Variants in CDK14 observed in about 807,000 individuals in gnomAD.
The protein encoded by CDK14 is cyclin-dependent kinase 14.
CDK14 carries 34 observed loss-of-function variants against 60.7 expected under a neutral mutation model. The ratio of observed to expected loss-of-function variants is 0.56; its 90% CI spans 0.43 to 0.75. CDK14 has a LOEUF of 0.75. Among genes scored for constraint, CDK14 ranks in the 30% least tolerant of loss-of-function variants. The pLI, the probability that CDK14 is intolerant of heterozygous loss-of-function variation, is 0.00. For missense variants in CDK14, 482 were observed against 564.1 expected (o/e 0.85, Z 1.47); for synonymous variants, 197 against 203.7 (o/e 0.97, Z 0.28).
At chr7:90,956,828 T>C (rs1391843297) in intron 9 of CDK14, among the ~76,000 whole-genome samples, 2 of 144,462 alleles carry the variant, frequency 1.4e-5, no homozygotes, top group Non-Finnish European at 3.0e-5. Flanking sequence ...TGTGTTCTCA[T>C]TGTTCAATTC....
intron 1 of CDK14, among the ~76,000 whole-genome samples, chr7:90,597,590 G>C (rs1419666109): frequency 6.6e-6 from 1 of 152,154 alleles, no homozygotes; most frequent in Non-Finnish European, 1.5e-5. Context: ...GCAAGAGAAT[G>C]CTATAGACAC....
chr7:90,820,046 A>G (rs2117073842), intron 5 of CDK14, among the ~76,000 whole-genome samples: 1 of 151,602 alleles, frequency 6.6e-6, no homozygotes, highest in African/African-American at 2.4e-5. Context: ...TTGCGCCCCC[A>G]ACCCCACTTT....
intron 10 of CDK14, among the ~76,000 whole-genome samples, chr7:91,004,945 C>T (rs994308592): frequency 6.6e-6 from 1 of 151,960 alleles, no homozygotes; most frequent in Non-Finnish European, 1.5e-5. Flanking sequence ...GGGAGAGAAC[C>T]CAAGAAAGAA....
intron 2 of CDK14, among the ~76,000 whole-genome samples, chr7:90,657,243 A>G (rs1800770709): frequency 6.6e-6 from 1 of 152,202 alleles, no homozygotes; most frequent in African/African-American, 2.4e-5. Flanking sequence ...TGAATAGCCC[A>G]AATCATTCAC....
At chr7:90,778,879 CCTTCCTTCCTTCCTTCCTT>C (rs1470947392) in intron 4 of CDK14, among the ~76,000 whole-genome samples, 11 of 111,894 alleles carry the variant, frequency 9.8e-5, no homozygotes, top group East Asian at 1.3e-3. Context: ...TTCCTTCCTT[CCTTCCTTCCTTCCTTCCTT>C]CTTTTCTCTC....
At chr7:90,876,786 T>C (rs1032244424) in intron 6 of CDK14, among the ~76,000 whole-genome samples, 5 of 152,250 alleles carry the variant, frequency 3.3e-5, no homozygotes, top group African/African-American at 1.2e-4. Flanking sequence ...TGTTAAAGCG[T>C]GCCATTATGT....
rs79565641 is a variant in CDK14 at position 91,172,294 on chromosome 7, G to A, written c.*29-34871G>A. On this transcript the variant is annotated intron_variant, in intron 14 of 14. Coordinates refer to ENST00000380050, the MANE Select transcript of CDK14 (RefSeq NM_001287135.2). The stretch of plus-strand genomic sequence containing the variant: ...AGCTCAGTATCTTCCATGACTTGCC[G>A]CATCTTTTAACCAGACATTAAGTGA... Among the ~76,000 whole-genome samples the A allele has an allele frequency of 4.3e-3, 655 of 152,170 alleles. 5 individuals are homozygous for A. The highest frequency in any genetic ancestry group is 0.015 in the African/African-American group (612 of 41,518).
intron 6 of CDK14, among the ~76,000 whole-genome samples, chr7:90,880,623 C>T (rs540876907): frequency 6.6e-6 from 1 of 152,150 alleles, no homozygotes; most frequent in African/African-American, 2.4e-5. Context: ...TGCCACCCAA[C>T]TGGATGAGAC....
rs764923502 is a variant in CDK14 at position 90,966,552 on chromosome 7, C to T, written c.947+10735C>T. On this transcript the variant is annotated intron_variant, in intron 9 of 14. Transcript: ENST00000380050. ...GCTGATGGTCACATAGATCAGTAAA[C>T]ATGTTTTTCACACTTGATTTCCCTT... Among the ~76,000 whole-genome samples, 6 of 152,216 alleles carry T rather than the reference C, an allele frequency of 3.9e-5. No individual in the cohort carries two copies. In the South Asian group the frequency reaches 6.2e-4, roughly 16 times the overall value.
At chr7:90,852,929 C>T (rs1224155921) in intron 5 of CDK14, among the ~76,000 whole-genome samples, 1 of 152,160 alleles carries the variant, frequency 6.6e-6, no homozygotes, top group East Asian at 1.9e-4. Flanking sequence ...ATGAACTGTG[C>T]TGTACTTTGT....
At chr7:90,976,578 G>A (rs1355548170) in intron 9 of CDK14, among the ~76,000 whole-genome samples, 1 of 151,750 alleles carries the variant, frequency 6.6e-6, no homozygotes, top group East Asian at 1.9e-4. Context: ...ACCCAGATTG[G>A]TCTTGAACTC....
At chr7:91,066,554 T>G (rs1472477936) in intron 11 of CDK14, among the ~76,000 whole-genome samples, 1 of 145,426 alleles carries the variant, frequency 6.9e-6, no homozygotes, top group Non-Finnish European at 1.5e-5. Context: ...AAATTAAAAT[T>G]AATCTCCTGA....
chr7:90,623,017 A>G (rs999178007), intron 2 of CDK14, among the ~76,000 whole-genome samples: 1 of 148,048 alleles, frequency 6.8e-6, no homozygotes, highest in African/African-American at 2.5e-5. Flanking sequence ...ATGAATATTC[A>G]TAGTTTCCAT....
intron 12 of CDK14, among the ~76,000 whole-genome samples, chr7:91,093,851 G>C (rs1798902439): frequency 6.6e-6 from 1 of 152,142 alleles, no homozygotes. Context: ...GCCATAAAAA[G>C]AATGAAATCA....
At chr7:90,771,174 A>G (rs1032548285) in intron 4 of CDK14, among the ~76,000 whole-genome samples, 4 of 152,148 alleles carry the variant, frequency 2.6e-5, no homozygotes, top group Non-Finnish European at 2.9e-5. Context: ...TTCTTTCCCC[A>G]TGCAATTGTC....
At chr7:90,782,955 A>C (rs529199996) in intron 4 of CDK14, among the ~76,000 whole-genome samples, 1 of 152,186 alleles carries the variant, frequency 6.6e-6, no homozygotes, top group Non-Finnish European at 1.5e-5. Context: ...TCTCCTTGGG[A>C]GCCTGGATGA....
At chr7:90,946,855 C>T (rs893067443) in intron 8 of CDK14, among the ~76,000 whole-genome samples, 20 of 152,150 alleles carry the variant, frequency 1.3e-4, no homozygotes, top group African/African-American at 2.9e-4. Context: ...TCCCTTTTCA[C>T]GGTCCCCGTC....
At chr7:90,719,769 C>T (rs945312452) in intron 2 of CDK14, among the ~76,000 whole-genome samples, 7 of 152,116 alleles carry the variant, frequency 4.6e-5, no homozygotes, top group Non-Finnish European at 5.9e-5. Flanking sequence ...TATATGTTTT[C>T]GAATACCAGG....
At chr7:90,616,252 TGA>T (rs1200209186) in intron 2 of CDK14, among the ~76,000 whole-genome samples, 1 of 152,062 alleles carries the variant, frequency 6.6e-6, no homozygotes, top group African/African-American at 2.4e-5. Flanking sequence ...GAAAAATGAG[TGA>T]GAATAACTTA....
Sources: allele counts gnomAD v4.1 joint callset (sites outside exome capture counted in the v4.1 genomes callset), GRCh38; gene constraint gnomAD v4.1.1; transcripts MANE v1.5; gene names NCBI Gene and HGNC (gene_info 2026-07-23, HGNC 2026-07-21).